Variants in PDXK observed in about 807,000 individuals in gnomAD.
PDXK encodes the protein epididymis secretory sperm binding protein Li 1a.
In PDXK, 15 loss-of-function variants were observed where a neutral mutation model predicts 43.2. That is an observed-to-expected ratio of 0.35 (90% confidence interval 0.23 to 0.53). PDXK has a LOEUF of 0.53. PDXK is among the 20% of genes least tolerant of loss of function. The probability of loss-of-function intolerance (pLI) is 0.92; values close to 1 mark genes in which losing one functional copy is unlikely to be tolerated. For missense variants in PDXK, 343 were observed against 417.0 expected (o/e 0.82, Z 1.54); for synonymous variants, 172 against 165.4 (o/e 1.04, Z -0.31).
rs912491659 is a variant in PDXK, at chr21:43,753,871, C to G, written c.759+152C>G. On this transcript the variant is annotated intron_variant, in intron 9 of 10. Coordinates refer to ENST00000291565, the MANE Select transcript of PDXK (RefSeq NM_003681.5). ...TTGTGGGGGAGGGCAGTGGCCAGGCCATGACAGGAGTTGCGCCTGTCACTC... is the reference window on the plus strand; with the variant it reads ...TTGTGGGGGAGGGCAGTGGCCAGGCGATGACAGGAGTTGCGCCTGTCACTC... 2.7e-5 allele frequency: 23 copies of G among 845,136 alleles called. No individual in the cohort carries two copies. The Middle Eastern group carries it at 1.1e-3, about 40-fold the overall frequency. 52.4% of individuals were successfully genotyped at this position (845,136 alleles called of 1,614,324 possible). A position where few individuals can be genotyped will look rare whatever the true frequency, so the allele number is the denominator to read the frequency against.
intron 1 of PDXK, among the ~76,000 whole-genome samples, chr21:43,724,713 C>G (rs1402646105): frequency 2.0e-5 from 3 of 151,394 alleles, no homozygotes; most frequent in African/African-American, 7.3e-5. Context: ...ATGTGACTCA[C>G]ATCTGTAGTC....
intron 1 of PDXK, among the ~76,000 whole-genome samples, chr21:43,731,679 G>A (rs938670720): frequency 6.7e-5 from 10 of 148,674 alleles, no homozygotes; most frequent in East Asian, 3.9e-4. Flanking sequence ...CCAGCAGCCC[G>A]CTGGGCTGAA....
chr21:43,732,497 A>G lies in PDXK; in HGVS notation c.88-1572A>G. The stretch of plus-strand genomic sequence containing the variant: ...GCTCAGCTTGCTCGTGCTCTCATTT[A>G]AAAGCAGAAAATAGCGACTTCATTC... On this transcript the variant is annotated intron_variant, in intron 1 of 10. Transcript: ENST00000291565. This position sits in a 1 kb window ranked among gnomAD's most constrained non-coding sequence, Gnocchi z 4.1. 1 of 1,502,664 alleles carries G rather than the reference A, an allele frequency of 6.7e-7. No individual in the cohort carries two copies. The highest frequency in any genetic ancestry group is 2.3e-5 in the East Asian group (1 of 44,312). 93.1% of individuals were successfully genotyped at this position (1,502,664 alleles called of 1,614,324 possible). A position where few individuals can be genotyped will look rare whatever the true frequency, so the allele number is the denominator to read the frequency against.
At chr21:43,745,270 A>C (rs915812087) in intron 4 of PDXK, among the ~76,000 whole-genome samples, 8 of 152,110 alleles carry the variant, frequency 5.3e-5, no homozygotes, top group African/African-American at 1.7e-4. Context: ...AAATACAAAA[A>C]TTAGCCAGGC....
At chr21:43,753,131 A>G (rs1243669097) in intron 8 of PDXK, among the ~76,000 whole-genome samples, 1 of 152,074 alleles carries the variant, frequency 6.6e-6, no homozygotes, top group Non-Finnish European at 1.5e-5. Context: ...CTTGGGCACA[A>G]ATGCACATAC....
Position 43,734,126 on chromosome 21 carries a change from A to G in PDXK, c.142+3A>G. 6.2e-7 allele frequency: 1 copy of G among 1,613,846 alleles called. No homozygotes were observed. Among genetic ancestry groups the G allele is most frequent in the South Asian group, 1.1e-5 (1 of 91,074 alleles). ...TGTCCAGTTTTCAAACCACACAGGT[A>G]AGGCGTTGGCTCCAGCAGCTGGCAT... On this transcript the variant is annotated splice_donor_region_variant and intron_variant, in intron 2 of 10. Transcript: ENST00000291565. This position sits in a 1 kb window ranked among gnomAD's most constrained non-coding sequence, Gnocchi z 5.0.
chr21:43,750,388 G>T (rs2083713427), intron 6 of PDXK, 112 bp from the exon 7 acceptor site: 2 of 930,000 alleles, frequency 2.2e-6, no homozygotes. Flanking sequence ...AGAGTTAGCT[G>T]CCTGTGGGGA....
chr21:43,733,425 T>C (rs1310130822), intron 1 of PDXK, among the ~76,000 whole-genome samples: 3 of 152,070 alleles, frequency 2.0e-5, no homozygotes, highest in Admixed American at 2.0e-4. Flanking sequence ...AGGGTGGGGA[T>C]GGCCCCCCAA....
chr21:43,746,906 G>A (rs528955012), intron 5 of PDXK, among the ~76,000 whole-genome samples: 1 of 152,314 alleles, frequency 6.6e-6, no homozygotes. Flanking sequence ...GCCAGAGCGG[G>A]TGGCTGGCTT....
rs565885386 is a variant in PDXK at position 43,720,034 on chromosome 21, C to T, written c.87+653C>T. On this transcript the variant is annotated intron_variant, in intron 1 of 10. Transcript: ENST00000291565. ...AGGTGTTTGCTCTGACGAGGAGAAG[C>T]CCCAGAGAGCAGTTCGGGACTGTGC... 7.7e-6 allele frequency: 5 copies of T among 646,678 alleles called. No individual in the cohort carries two copies. The South Asian group carries it at 3.4e-4, about 44-fold the overall frequency. The allele number at this position is 646,678 out of a possible 1,614,324, so 40.1% of individuals were successfully genotyped here. A position where few individuals can be genotyped will look rare whatever the true frequency, so the allele number is the denominator to read the frequency against.
chr21:43,726,972 CGTGT>C (rs1341041008), intron 1 of PDXK, among the ~76,000 whole-genome samples: 5 of 151,980 alleles, frequency 3.3e-5, no homozygotes, highest in Non-Finnish European at 5.9e-5. Flanking sequence ...GGCATGCATG[CGTGT>C]GTCATGGGCA....
chr21:43,733,974 C>A, intron 1 of PDXK, 95 bp from the exon 2 acceptor site: 1 of 1,262,472 alleles, frequency 7.9e-7, no homozygotes, highest in South Asian at 1.2e-5. Flanking sequence ...AGCCGGGACT[C>A]ATTTACTCCC....
At chr21:43,722,982 C>T (rs1317744453) in intron 1 of PDXK, among the ~76,000 whole-genome samples, 2 of 150,602 alleles carry the variant, frequency 1.3e-5, no homozygotes, top group Non-Finnish European at 3.0e-5. Context: ...GGACCACAGG[C>T]GCCCGCCACC....
rs1399766549 is a variant in PDXK at position 43,754,293 on chromosome 21, C to T, written c.759+574C>T. On this transcript the variant is annotated intron_variant, in intron 9 of 10. Coordinates refer to ENST00000291565, the MANE Select transcript of PDXK (RefSeq NM_003681.5). This position sits in a 1 kb window ranked among gnomAD's most constrained non-coding sequence, Gnocchi z 5.5. ...TAGAGATCGGGTGGCTTTGCTTAGA[C>T]AGTGGGGGGAGTGGGACTGTTGGGC... Among the ~76,000 whole-genome samples, 1 of 152,058 alleles carries T rather than the reference C, an allele frequency of 6.6e-6. No homozygotes were observed. The highest frequency in any genetic ancestry group is 1.5e-5 in the Non-Finnish European group (1 of 67,996).
chr21:43,755,587 C>T, intron 9 of PDXK, 111 bp from the exon 10 acceptor site: 1 of 921,564 alleles, frequency 1.1e-6, no homozygotes, highest in South Asian at 1.4e-5. Context: ...TCCCCGGTGG[C>T]TCGGAGAGCA....
chr21:43,719,622 C>G (rs1375770727), intron 1 of PDXK: 1 of 985,266 alleles, frequency 1.0e-6, no homozygotes, highest in Non-Finnish European at 1.2e-6. Context: ...TCGGGGTACG[C>G]GGGTAGGAGG....
In PDXK at chr21:43,734,279, C is replaced by A. The variant is rs959397849; in HGVS notation, c.142+156C>A. Among the ~76,000 whole-genome samples, 2 of 148,278 alleles carry A rather than the reference C, an allele frequency of 1.3e-5. No individual in the cohort carries two copies. Among genetic ancestry groups the A allele is most frequent in the Non-Finnish European group, 3.0e-5 (2 of 66,880 alleles). On this transcript the variant is annotated intron_variant, in intron 2 of 10. Coordinates refer to ENST00000291565, the MANE Select transcript of PDXK (RefSeq NM_003681.5). The surrounding 1 kb of genome is among the most constrained non-coding windows in gnomAD (Gnocchi z 5.0). ...AGTCCTGGGCGTCGCTCGGGCAGAG[C>A]CTGCACAGCATATCAGGGTGTAGGC...
chr21:43,733,412 G>A (rs1169637931), intron 1 of PDXK, among the ~76,000 whole-genome samples: 2 of 152,174 alleles, frequency 1.3e-5, no homozygotes, highest in Admixed American at 1.3e-4. Flanking sequence ...TGGTGCACGG[G>A]AGAGGGTGGG....
At chr21:43,729,792 A>C (rs1182903775) in intron 1 of PDXK, among the ~76,000 whole-genome samples, 1 of 151,944 alleles carries the variant, frequency 6.6e-6, no homozygotes, top group Non-Finnish European at 1.5e-5. Flanking sequence ...AAAACATAAA[A>C]AATTAACCAG....
Sources: gnomAD v4.1 joint callset for allele counts (sites outside exome capture counted in the v4.1 genomes callset) on GRCh38, gnomAD v4.1.1 for gene constraint, Gnocchi (gnomAD v3.1) non-coding constraint, MANE v1.5 for transcripts, NCBI Gene and HGNC (gene_info 2026-07-23, HGNC 2026-07-21) for gene names.